Variants in DLGAP2 observed in about 807,000 individuals in gnomAD.
DLGAP2 encodes the protein DLG associated protein 2.
A neutral mutation model predicts 100.3 loss-of-function variants in DLGAP2; 26 were observed. The ratio of observed to expected loss-of-function variants is 0.26; its 90% confidence interval spans 0.19 to 0.36. The LOEUF is 0.36. Ranked by LOEUF, DLGAP2 falls within the 10% of genes least tolerant of loss-of-function variation. The pLI is 1.00. For missense variants in DLGAP2, 1,858 were observed against 1,453.2 expected (o/e 1.28, Z -4.53); for synonymous variants, 886 against 630.1 (o/e 1.41, Z -6.08).
At chr8:1,100,896 G>C (rs1342048525) in intron 2 of DLGAP2, among the ~76,000 whole-genome samples, 2 of 152,212 alleles carry the variant, frequency 1.3e-5, no homozygotes, top group Admixed American at 1.3e-4. Flanking sequence ...TTTAACCATA[G>C]CATTTCAAGT....
At chr8:1,455,588 G>A (rs1798289503) in intron 3 of DLGAP2, among the ~76,000 whole-genome samples, 2 of 152,252 alleles carry the variant, frequency 1.3e-5, no homozygotes, top group Non-Finnish European at 2.9e-5. Flanking sequence ...TGCAGCCTCG[G>A]TGGAGGCGGA....
At chr8:1,038,207 T>G (rs1193366390) in intron 2 of DLGAP2, among the ~76,000 whole-genome samples, 1 of 152,252 alleles carries the variant, frequency 6.6e-6, no homozygotes, top group Non-Finnish European at 1.5e-5. Context: ...TGTCTGTGGT[T>G]GAGAGTCCCT....
intron 2 of DLGAP2, among the ~76,000 whole-genome samples, chr8:1,227,338 AT>A (rs1296647927): frequency 4.9e-4 from 70 of 142,772 alleles, no homozygotes; most frequent in African/African-American, 7.2e-4. Context: ...GTCTGTTTTT[AT>A]TTTTTTTTTC....
intron 2 of DLGAP2, among the ~76,000 whole-genome samples, chr8:1,065,297 C>G (rs773398612): frequency 6.6e-6 from 1 of 152,182 alleles, no homozygotes; most frequent in Non-Finnish European, 1.5e-5. Flanking sequence ...TTCAAGATAA[C>G]AACTGGCAGT....
chr8:1,591,332 G>A (rs1156377279), intron 6 of DLGAP2, among the ~76,000 whole-genome samples: 1 of 152,190 alleles, frequency 6.6e-6, no homozygotes, highest in East Asian at 1.9e-4. Context: ...TGTGGGCCAG[G>A]TGGGAAGGAG....
chr8:1,173,285 G>C (rs1563230125), intron 2 of DLGAP2, among the ~76,000 whole-genome samples: 1 of 152,176 alleles, frequency 6.6e-6, no homozygotes, highest in African/African-American at 2.4e-5. Context: ...GTGTCAGTCT[G>C]CCCCTACTGG....
intron 2 of DLGAP2, among the ~76,000 whole-genome samples, chr8:1,257,781 C>A (rs1487552005): frequency 6.6e-6 from 1 of 152,028 alleles, no homozygotes; most frequent in African/African-American, 2.4e-5. Context: ...AGGGCCCGTG[C>A]AGGCCAGTGC....
intron 3 of DLGAP2, among the ~76,000 whole-genome samples, chr8:1,456,362 T>C (rs1047138828): frequency 1.3e-5 from 2 of 152,176 alleles, no homozygotes; most frequent in Non-Finnish European, 2.9e-5. Context: ...CGAAATTCTG[T>C]CGTCTTCCTG....
intron 3 of DLGAP2, among the ~76,000 whole-genome samples, chr8:1,470,717 T>C: frequency 6.8e-6 from 1 of 146,614 alleles, no homozygotes; most frequent in Non-Finnish European, 1.5e-5. Context: ...GATGAAGGCA[T>C]CACCGACCAC....
chr8:1,480,624 C>T (rs975727038), intron 3 of DLGAP2, among the ~76,000 whole-genome samples: 2 of 150,334 alleles, frequency 1.3e-5, no homozygotes, highest in East Asian at 2.0e-4. Context: ...CCGAGGCGGG[C>T]GGATCACCTG....
intron 3 of DLGAP2, among the ~76,000 whole-genome samples, chr8:1,276,400 C>A (rs910696234): frequency 6.6e-6 from 1 of 152,062 alleles, no homozygotes; most frequent in African/African-American, 2.4e-5. Context: ...TGGATCTTGG[C>A]CGCACGTTGG....
At chr8:785,466 C>G (rs55847031) in intron 1 of DLGAP2, among the ~76,000 whole-genome samples, 1 of 147,666 alleles carries the variant, frequency 6.8e-6, no homozygotes, top group South Asian at 2.1e-4. Context: ...GACCGGCCTC[C>G]CTCCTCCCCT....
chr8:1,666,302 G>A (rs1181559480), intron 8 of DLGAP2, among the ~76,000 whole-genome samples: 2 of 152,214 alleles, frequency 1.3e-5, no homozygotes, highest in Non-Finnish European at 2.9e-5. Flanking sequence ...GCACCCGATT[G>A]ATTTCATAAC....
chr8:1,178,369 G>A (rs1797306963), intron 2 of DLGAP2, among the ~76,000 whole-genome samples: 1 of 152,144 alleles, frequency 6.6e-6, no homozygotes, highest in Non-Finnish European at 1.5e-5. Flanking sequence ...AGCAGTGGCG[G>A]TGGCAGTGGT....
Position 1,324,463 on chromosome 8 carries a change from G to A in DLGAP2, c.106+65580G>A, listed in dbSNP as rs114644325. On this transcript the variant is annotated intron_variant, in intron 3 of 14. Transcript: ENST00000637795. ...TTACTGTCTGAAATTCTTCCACAGC[G>A]TTCAAGCGACATGTTTCCACAGGCA... 1.9e-3 allele frequency among the ~76,000 whole-genome samples: 285 copies of A among 152,278 alleles called. 2 individuals carry two copies. The highest frequency in any genetic ancestry group is 6.5e-3 in the African/African-American group (271 of 41,556).
intron 3 of DLGAP2, among the ~76,000 whole-genome samples, chr8:1,279,610 TG>T (rs1230975917): frequency 5.3e-5 from 8 of 152,306 alleles, no homozygotes; most frequent in Admixed American, 5.2e-4. Context: ...GTCCAGGGTC[TG>T]GGAATGGCGT....
intron 3 of DLGAP2, among the ~76,000 whole-genome samples, chr8:1,358,652 G>A (rs1434850536): frequency 2.0e-5 from 3 of 152,140 alleles, no homozygotes; most frequent in Non-Finnish European, 4.4e-5. Flanking sequence ...GGTTGGCCGT[G>A]GTGAAGAAGG....
chr8:1,198,859 G>A (rs940485077), intron 2 of DLGAP2, among the ~76,000 whole-genome samples: 1 of 152,192 alleles, frequency 6.6e-6, no homozygotes, highest in Non-Finnish European at 1.5e-5. Context: ...TGGGGGTTAG[G>A]AGCTGCACCC....
chr8:1,329,150 G>T (rs761981222), intron 3 of DLGAP2, among the ~76,000 whole-genome samples: 1 of 152,206 alleles, frequency 6.6e-6, no homozygotes, highest in Non-Finnish European at 1.5e-5. Context: ...GCACCAAACT[G>T]GGCCCAGATC....
Sources: gnomAD v4.1 joint callset for allele counts (sites outside exome capture counted in the v4.1 genomes callset) on GRCh38, gnomAD v4.1.1 for gene constraint, MANE v1.5 for transcripts, NCBI Gene and HGNC (gene_info 2026-07-23, HGNC 2026-07-21) for gene names.